TOGARAM1: variants seen among roughly 807,000 people sequenced by gnomAD.
TOGARAM1 encodes the protein TOG array regulator of axonemal microtubules 1, also known as TOG array regulator of axonemal microtubules protein 1.
In TOGARAM1, 100 loss-of-function variants were observed where a neutral mutation model predicts 166.6. The observed-to-expected ratio is 0.60, with a 90% CI of 0.51 to 0.71. The LOEUF (loss-of-function observed/expected upper bound fraction) is 0.71. TOGARAM1 is among the 30% of genes least tolerant of loss of function. The pLI, the probability that TOGARAM1 is intolerant of heterozygous loss-of-function variation, is 0.00. For missense variants in TOGARAM1, 2,029 were observed against 2,102.7 expected, an observed-to-expected ratio of 0.96 and a Z score of 0.69; for synonymous variants, 758 against 763.8, an observed-to-expected ratio of 0.99 and a Z score of 0.13.
intron 18 of TOGARAM1, among the ~76,000 whole-genome samples, chr14:45,069,841 C>T (rs537617511): frequency 4.6e-5 from 7 of 152,172 alleles, no homozygotes; most frequent in Non-Finnish European, 8.8e-5. Flanking sequence ...TGGAATACTA[C>T]TTAATAAAAA....
At chr14:45,029,884 C>T (rs1009242218) in intron 10 of TOGARAM1, among the ~76,000 whole-genome samples, 13 of 152,192 alleles carry the variant, frequency 8.5e-5, no homozygotes, top group Middle Eastern at 6.8e-3. Flanking sequence ...TGCAGCGGCA[C>T]GATCTCGGCT....
chr14:45,040,818 C>T (rs768540811), intron 11 of TOGARAM1, among the ~76,000 whole-genome samples: 1 of 152,128 alleles, frequency 6.6e-6, no homozygotes, highest in Non-Finnish European at 1.5e-5. Flanking sequence ...GCAGGCAGAT[C>T]ACTTGAGGCC....
chr14:44,986,984 G>A (rs185900235), intron 1 of TOGARAM1, among the ~76,000 whole-genome samples: 2,725 of 142,254 alleles, frequency 0.019, 33 homozygotes, highest in African/African-American at 0.039. Flanking sequence ...CAGCCTGGGC[G>A]ACAGAGCGAG....
At chr14:44,966,994 T>C (rs1885588194) in intron 1 of TOGARAM1, among the ~76,000 whole-genome samples, 1 of 151,802 alleles carries the variant, frequency 6.6e-6, no homozygotes, top group African/African-American at 2.4e-5. Context: ...ACATGATGCC[T>C]AGCCTTACTT....
At chr14:44,999,341 T>C in intron 2 of TOGARAM1, 22 bp from the exon 3 acceptor site, 1 of 1,527,846 alleles carries the variant, frequency 6.5e-7, no homozygotes. Context: ...TTTTATGTTT[T>C]CTCCCTTCCT....
intron 1 of TOGARAM1, among the ~76,000 whole-genome samples, chr14:44,982,104 A>G (rs1472552366): frequency 6.6e-6 from 1 of 152,050 alleles, no homozygotes; most frequent in Non-Finnish European, 1.5e-5. Context: ...TCTGCCTCCC[A>G]AAGTACTGGG....
At position 45,022,297 on chromosome 14, in the gene TOGARAM1, T is replaced by C. The variant is rs1880566063; in HGVS notation, c.3239-3486T>C. Among the ~76,000 whole-genome samples, 8 of 150,940 alleles carry C rather than the reference T, an allele frequency of 5.3e-5. No homozygotes were observed. In the South Asian group the frequency reaches 1.5e-3, roughly 28 times the overall value. On this transcript the variant is annotated intron_variant, in intron 7 of 19. Transcript: ENST00000361462. ...AAGGCCTCTGCCCAACCAGTGAAAG[T>C]ATCTACCGAAACTAGTAGATACTGA...
chr14:44,987,862 C>T (rs1015621365), intron 1 of TOGARAM1, among the ~76,000 whole-genome samples: 5 of 149,064 alleles, frequency 3.4e-5, no homozygotes, highest in African/African-American at 9.9e-5. Flanking sequence ...ACCCAAATGT[C>T]CAACAATGAT....
intron 1 of TOGARAM1, among the ~76,000 whole-genome samples, chr14:44,983,419 G>A (rs1185199646): frequency 6.6e-6 from 1 of 152,150 alleles, no homozygotes; most frequent in Non-Finnish European, 1.5e-5. Flanking sequence ...ATTTTAATAT[G>A]CAAATGAATT....
chr14:45,044,232 A>G (rs1467087237), intron 12 of TOGARAM1, among the ~76,000 whole-genome samples: 1 of 151,556 alleles, frequency 6.6e-6, no homozygotes, highest in Non-Finnish European at 1.5e-5. Flanking sequence ...CTGGTCTTGA[A>G]CTCCTGACCT....
intron 7 of TOGARAM1, among the ~76,000 whole-genome samples, chr14:45,019,868 C>T (rs573540741): frequency 1.3e-5 from 2 of 152,276 alleles, no homozygotes; most frequent in East Asian, 1.9e-4. Flanking sequence ...CTGATGACTG[C>T]TCTAACTGCT....
intron 1 of TOGARAM1, among the ~76,000 whole-genome samples, chr14:44,969,699 T>C (rs890654930): frequency 6.6e-6 from 1 of 152,234 alleles, no homozygotes; most frequent in African/African-American, 2.4e-5. Context: ...TTTAAGTCTA[T>C]GATCCATTTG....
At chr14:45,048,574 G>T (rs1194431522) in intron 14 of TOGARAM1, among the ~76,000 whole-genome samples, 1 of 152,114 alleles carries the variant, frequency 6.6e-6, no homozygotes, top group African/African-American at 2.4e-5. Flanking sequence ...AGTTCTTTAG[G>T]TCAGAAGTCT....
At chr14:44,992,774 C>T (rs1447808134) in intron 1 of TOGARAM1, among the ~76,000 whole-genome samples, 2 of 151,444 alleles carry the variant, frequency 1.3e-5, no homozygotes, top group African/African-American at 2.4e-5. Context: ...CCTGCCACCA[C>T]GCCCGACTAA....
chr14:44,974,631 T>A (rs1323719383), intron 1 of TOGARAM1, among the ~76,000 whole-genome samples: 1 of 152,132 alleles, frequency 6.6e-6, no homozygotes, highest in African/African-American at 2.4e-5. Flanking sequence ...AATATACTGT[T>A]AAGGTGTGGG....
chr14:44,994,549 G>A (rs1887324059), intron 1 of TOGARAM1, among the ~76,000 whole-genome samples: 2 of 152,058 alleles, frequency 1.3e-5, no homozygotes, highest in South Asian at 4.1e-4. Context: ...CTCCCGATTA[G>A]TTGGGACGAC....
rs184971428 is a variant in TOGARAM1, at chr14:44,993,361, C to G, written c.2047-2385C>G. On this transcript the variant is annotated intron_variant, in intron 1 of 19. Transcript: ENST00000361462. Reference sequence around the variant, plus strand: ...AAATAACACTATGTAAATTTCCAACCATTATTAATATTAAATGTGAAACTT... The same window carrying G: ...AAATAACACTATGTAAATTTCCAACGATTATTAATATTAAATGTGAAACTT... 1.3e-4 allele frequency among the ~76,000 whole-genome samples: 20 copies of G among 151,962 alleles called. No individual in the cohort carries two copies. The East Asian group carries it at 3.7e-3, about 28-fold the overall frequency.
chr14:44,985,605 C>G (rs1268128786), intron 1 of TOGARAM1, among the ~76,000 whole-genome samples: 1 of 152,198 alleles, frequency 6.6e-6, no homozygotes, highest in Non-Finnish European at 1.5e-5. Context: ...GCTGATCTGA[C>G]AGGAGGCAGA....
At chr14:44,995,399 TCAAA>T (rs1887362936) in intron 1 of TOGARAM1, 3 of 451,870 alleles carry the variant, frequency 6.6e-6, no homozygotes, top group South Asian at 1.6e-5. Flanking sequence ...TGTCTAGTAC[TCAAA>T]CAAAGATAGC....
Sources: gnomAD v4.1 joint callset for allele counts (sites outside exome capture counted in the v4.1 genomes callset) on GRCh38, gnomAD v4.1.1 for gene constraint, MANE v1.5 for transcripts, NCBI Gene and HGNC (gene_info 2026-07-23, HGNC 2026-07-21) for gene names.